The following PREB variants were observed in gnomAD, a reference collection of about 807,000 sequenced individuals.
PREB encodes the protein prolactin regulatory element binding.
Under a neutral mutation model 46.7 loss-of-function variants are expected in PREB, and 29 were observed. That is an observed-to-expected ratio of 0.62 (90% CI 0.46 to 0.85). The LOEUF (loss-of-function observed/expected upper bound fraction) is 0.85. Ranked by LOEUF, PREB falls within the 40% of genes least tolerant of loss-of-function variation. PREB has a pLI of 0.00. For synonymous variants in PREB, 224 were observed against 220.1 expected, an observed-to-expected ratio of 1.02 and a Z score of -0.16; for missense variants, 494 against 528.4, an observed-to-expected ratio of 0.93 and a Z score of 0.64.
chr2:27,134,562 G>A lies in PREB; in HGVS notation c.-141C>T. 7.4e-7 allele frequency: 1 copy of A among 1,356,372 alleles called. No homozygotes were observed. The highest frequency in any genetic ancestry group is 9.4e-7 in the Non-Finnish European group (1 of 1,060,936). The allele number at this position is 1,356,372 out of a possible 1,614,324, so 84.0% of individuals were successfully genotyped here. On this transcript the variant is annotated 5_prime_UTR_variant, in exon 1 of 9. Transcript: ENST00000260643. ...CCTACCCCTCTCACACCGGGGAGTTGCCAAAACCCTGACCATCAGCAGGAA... is the reference window on the plus strand; with the variant it reads ...CCTACCCCTCTCACACCGGGGAGTTACCAAAACCCTGACCATCAGCAGGAA...
chr2:27,132,450 C>T lies in PREB; in HGVS notation c.753-47G>A, dbSNP rs1327409606. 9.4e-6 allele frequency: 15 copies of T among 1,595,668 alleles called. No individual in the cohort carries two copies. The highest frequency in any genetic ancestry group is 1.3e-5 in the African/African-American group (1 of 74,528). On this transcript the variant is annotated intron_variant, in intron 5 of 8. Coordinates refer to ENST00000260643, the MANE Select transcript of PREB (RefSeq NM_013388.6). The surrounding 1 kb of genome is among the most constrained non-coding windows in gnomAD (Gnocchi z 4.0). Reference sequence around the variant, plus strand: ...ATTCAGCTCCTAGGGCCTGCCCAACCCTCCTCAGAGGTTTGTGCACCACCT... The same window carrying T: ...ATTCAGCTCCTAGGGCCTGCCCAACTCTCCTCAGAGGTTTGTGCACCACCT...
chr2:27,131,599 C>A, intron 8 of PREB, 73 bp downstream of exon 8: 1 of 1,598,602 alleles, frequency 6.3e-7, no homozygotes, highest in South Asian at 1.1e-5. Flanking sequence ...CACAAAGAGC[C>A]CAGCCTCCGG....
Position 27,132,408 on chromosome 2 carries a change from G to C in PREB, c.753-5C>G. 6.2e-7 allele frequency: 1 copy of C among 1,609,290 alleles called. No homozygotes were observed. Among genetic ancestry groups the C allele is most frequent in the South Asian group, 1.1e-5 (1 of 90,912 alleles). On this transcript the variant is annotated splice_region_variant and splice_polypyrimidine_tract_variant and intron_variant, in intron 5 of 8. Transcript: ENST00000260643. The surrounding 1 kb of genome is among the most constrained non-coding windows in gnomAD (Gnocchi z 4.0). The stretch of plus-strand genomic sequence containing the variant: ...TGGTCTGGAACCTGCCCAAACCTGG[G>C]GGCCGGATGAGGGGCTATTCAGCTC...
chr2:27,134,365 A>AATTTC lies in PREB; in HGVS notation c.56_57insGAAAT (p.Gln20LysfsTer24). On this transcript the variant is annotated frameshift_variant, in exon 1 of 9. Coordinates refer to ENST00000260643, the MANE Select transcript of PREB (RefSeq NM_013388.6). LOFTEE classifies it high-confidence loss of function. ...GCAGCCCAGTGCTGGGGTCGACCTGAAGCGCGTACAACGGGAACGGAGCCC... is the reference window on the plus strand; with the variant it reads ...GCAGCCCAGTGCTGGGGTCGACCTGAATTTCAGCGCGTACAACGGGAACGGAGCCC... The AATTTC allele has an allele frequency of 6.2e-7, 1 of 1,611,014 alleles. No individual in the cohort carries two copies. Among genetic ancestry groups the AATTTC allele is most frequent in the Non-Finnish European group, 8.5e-7 (1 of 1,179,376 alleles).
chr2:27,134,222 C>G (rs1480338440), intron 1 of PREB, 65 bp downstream of exon 1: 1 of 1,469,958 alleles, frequency 6.8e-7, no homozygotes, highest in African/African-American at 1.4e-5. Flanking sequence ...CCGCGACCCC[C>G]CGGCCACCCT....
chr2:27,133,882 A>G, intron 1 of PREB, 161 bp from the exon 2 acceptor site: 1 of 694,060 alleles, frequency 1.4e-6, no homozygotes, highest in South Asian at 1.9e-5. Flanking sequence ...CTACACAGTG[A>G]GCAGGACTGG....
In PREB at chr2:27,134,617, C is replaced by A; in HGVS notation, c.-196G>T. On this transcript the variant is annotated 5_prime_UTR_variant, in exon 1 of 9. Transcript: ENST00000260643. ...AGCCTCAGCTCGGCTCCGTCCAAGT[C>A]GGTCTCGCAGACGCGCACTGCGCAT... 1 of 1,305,216 alleles carries A rather than the reference C, an allele frequency of 7.7e-7. No homozygotes were observed. Among genetic ancestry groups the A allele is most frequent in the Non-Finnish European group, 9.7e-7 (1 of 1,030,044 alleles). The allele number at this position is 1,305,216 out of a possible 1,614,324, so 80.9% of individuals were successfully genotyped here. A position where few individuals can be genotyped will look rare whatever the true frequency, so the allele number is the denominator to read the frequency against.
At chr2:27,134,027 T>TG in intron 1 of PREB, 1 of 617,160 alleles carries the variant, frequency 1.6e-6, no homozygotes, top group East Asian at 2.9e-5. Flanking sequence ...ATAAGACCCC[T>TG]GGAGCTGCTC....
At chr2:27,133,999 C>T (rs1397895281) in intron 1 of PREB, 3 of 608,218 alleles carry the variant, frequency 4.9e-6, no homozygotes, top group African/African-American at 3.7e-5. Context: ...CAGGCAAGAC[C>T]TCCCGGAAAA....
At position 27,131,316 on chromosome 2, in the gene PREB, G is replaced by T; in HGVS notation, c.*98C>A. On this transcript the variant is annotated 3_prime_UTR_variant, in exon 9 of 9. Coordinates refer to ENST00000260643, the MANE Select transcript of PREB (RefSeq NM_013388.6). ...ATTCATCTTGTCAGCGGCAACCTCA[G>T]CTGTGGACCCGAATGGAGTGAGCAA... 8.7e-7 allele frequency: 1 copy of T among 1,148,192 alleles called. No individual in the cohort carries two copies. Among genetic ancestry groups the T allele is most frequent in the Non-Finnish European group, 1.3e-6 (1 of 786,362 alleles). 71.1% of individuals were successfully genotyped at this position (1,148,192 alleles called of 1,614,324 possible).
intron 2 of PREB, 94 bp from the exon 3 acceptor site, chr2:27,133,431 G>C: frequency 1.3e-6 from 2 of 1,593,840 alleles, no homozygotes; most frequent in Non-Finnish European, 1.7e-6. Flanking sequence ...CTTCTAGCTT[G>C]CTACCAAAAC....
intron 1 of PREB, 100 bp downstream of exon 1, chr2:27,134,187 G>C: frequency 7.3e-7 from 1 of 1,372,368 alleles, no homozygotes. Context: ...AGTGGGCAGG[G>C]CCCGAAGCTG....
Position 27,130,756 on chromosome 2 carries a change from T to C in PREB, c.*658A>G, listed in dbSNP as rs1373921042. ...ACAGAAACAGCTGACAAGAGTACCA[T>C]TTGGGGTCTCAGTTCACTCTTTCCT... is the stretch of plus-strand genomic sequence containing the variant. On this transcript the variant is annotated 3_prime_UTR_variant, in exon 9 of 9. Coordinates refer to ENST00000260643, the MANE Select transcript of PREB (RefSeq NM_013388.6). The C allele has an allele frequency of 7.4e-6, 12 of 1,611,580 alleles. No homozygotes were observed. Among genetic ancestry groups the C allele is most frequent in the Middle Eastern group, 1.7e-4 (1 of 6,044 alleles).
At position 27,133,669 on chromosome 2, in the gene PREB, T is replaced by C. The variant is rs1050207788; in HGVS notation, c.188A>G (p.His63Arg). The change falls in exon 2 of 9, where the codon CAC (histidine) becomes CGC (arginine). Residue 63 changes from histidine (H) to arginine (R), a missense_variant. Physicochemically the swap from His to Arg is conservative, Grantham distance 29. Coordinates refer to ENST00000260643, the MANE Select transcript of PREB (RefSeq NM_013388.6). ...INGRLSASLL[H>R]SHDTETRATM... is the part of the protein sequence containing the mutation. ...GGCCCGTGTCTCTGTGTCATGGGAG[T>C]GCAGCAAGGAGGCACTCAAGCGCCC... 13 of 1,613,964 alleles carry C rather than the reference T, an allele frequency of 8.1e-6. No homozygotes were observed. Among genetic ancestry groups the C allele is most frequent in the South Asian group, 1.1e-5 (1 of 91,086 alleles).
intron 2 of PREB, 75 bp downstream of exon 2, chr2:27,133,457 A>T: frequency 6.3e-7 from 1 of 1,592,200 alleles, no homozygotes; most frequent in Non-Finnish European, 8.6e-7. Context: ...TTCCAGACCC[A>T]CTTCTTTAGA....
Position 27,133,253 on chromosome 2 carries a change from AG to A in PREB, c.409del (p.Leu137Ter). 6.2e-7 allele frequency: 1 copy of A among 1,614,176 alleles called. No individual in the cohort carries two copies. On this transcript the variant is annotated frameshift_variant, in exon 3 of 9. Coordinates refer to ENST00000260643, the MANE Select transcript of PREB (RefSeq NM_013388.6). LOFTEE classifies it high-confidence loss of function. ...CTGCAAATTCTCTACCCTGAGTTCT[AG>A]CCCCTCGTGCTGGGTTTCCGCTCCA... ...KCGAETQHEG[L>X]ELRVENLQAV...
At position 27,132,345 on chromosome 2, in the gene PREB, G is replaced by C; in HGVS notation, c.811C>G (p.His271Asp). 1 of 1,613,960 alleles carries C rather than the reference G, an allele frequency of 6.2e-7. No homozygotes were observed. The highest frequency in any genetic ancestry group is 8.5e-7 in the Non-Finnish European group (1 of 1,180,012). The change falls in exon 6 of 9, where the codon CAC becomes GAC. Residue 271 changes from histidine to aspartate, a missense_variant. His to Asp is a moderately conservative substitution (Grantham distance 81). Coordinates refer to ENST00000260643, the MANE Select transcript of PREB (RefSeq NM_013388.6). The surrounding 1 kb of genome is among the most constrained non-coding windows in gnomAD (Gnocchi z 4.0). ...GGAGGGGGCTGGCGCAGGCGCTTGT[G>C]GGGAATTTGCACTGTGAAGAGTCGC... ...GLRLFTVQIP[H>D]KRLRQPPPCY...
In PREB at chr2:27,131,729, C is replaced by T; in HGVS notation, c.1102G>A (p.Ala368Thr). 6.2e-7 allele frequency: 1 copy of T among 1,614,140 alleles called. No individual in the cohort carries two copies. The highest frequency in any genetic ancestry group is 1.1e-5 in the South Asian group (1 of 91,084). ...GPELLGSHET[A>T]LFSVAVDSRC... The stretch of plus-strand genomic sequence containing the variant: ...CTGTCCACAGCCACAGAGAACAGGG[C>T]AGTTTCATGGGACCCAAGGAGCTCT... Residue 368 changes from alanine (A) to threonine (T), a missense_variant, in exon 8 of 9, where the codon GCC becomes ACC. Physicochemically the swap from Ala to Thr is moderately conservative, Grantham distance 58. Coordinates refer to ENST00000260643, the MANE Select transcript of PREB (RefSeq NM_013388.6).
Position 27,134,347 on chromosome 2 carries a change from AGTGCTGGG to A in PREB, c.67_74del (p.Pro23TrpfsTer29), listed in dbSNP as rs1293609270. 1 of 1,611,460 alleles carries A rather than the reference AGTGCTGGG, an allele frequency of 6.2e-7. No individual in the cohort carries two copies. Among genetic ancestry groups the A allele is most frequent in the African/African-American group, 1.3e-5 (1 of 74,874 alleles). ...CTCCGCCCGCAGCGATGAGCAGCCCAGTGCTGGGGTCGACCTGAAGCGCGTACAACGGG... is the reference window on the plus strand; with the variant it reads ...CTCCGCCCGCAGCGATGAGCAGCCCAGTCGACCTGAAGCGCGTACAACGGG... On this transcript the variant is annotated frameshift_variant, in exon 1 of 9. Transcript: ENST00000260643. LOFTEE classifies it high-confidence loss of function.
Sources: gnomAD v4.1 joint callset for allele counts on GRCh38, gnomAD v4.1.1 for gene constraint, Gnocchi (gnomAD v3.1) non-coding constraint, MANE v1.5 for transcripts, NCBI Gene and HGNC (gene_info 2026-07-23, HGNC 2026-07-21) for gene names.